The following TMEM131 variants were observed in gnomAD, a reference collection of about 807,000 sequenced individuals.
TMEM131 encodes 2610524E03Rik.
In TMEM131, 66 loss-of-function variants were observed where a neutral mutation model predicts 211.6. The observed-to-expected ratio is 0.31, with a 90% CI of 0.26 to 0.38. TMEM131 has a LOEUF of 0.38. TMEM131 is among the 10% of genes least tolerant of loss of function. The pLI, the probability that TMEM131 is intolerant of heterozygous loss-of-function variation, is 1.00. For missense variants in TMEM131, 2,036 were observed against 2,299.3 expected, an observed-to-expected ratio of 0.89 and a Z score of 2.34; for synonymous variants, 844 against 841.3, an observed-to-expected ratio of 1.00 and a Z score of -0.06.
chr2:97,983,606 T>G (rs1369675328), intron 1 of TMEM131, among the ~76,000 whole-genome samples: 1 of 152,134 alleles, frequency 6.6e-6, no homozygotes, highest in South Asian at 2.1e-4. Flanking sequence ...ATTAAGCAGC[T>G]GACCAATGGT....
At chr2:97,804,865 T>C (rs1489786718) in intron 22 of TMEM131, among the ~76,000 whole-genome samples, 1 of 152,120 alleles carries the variant, frequency 6.6e-6, no homozygotes, top group African/African-American at 2.4e-5. Context: ...AAGAAATATC[T>C]AAAGCACCAC....
chr2:97,882,082 C>T (rs903985550), intron 4 of TMEM131, among the ~76,000 whole-genome samples: 1 of 152,148 alleles, frequency 6.6e-6, no homozygotes, highest in Non-Finnish European at 1.5e-5. Context: ...CAAAAAGAAC[C>T]TTACCTTAAA....
At chr2:97,952,429 A>G (rs1439937463) in intron 1 of TMEM131, among the ~76,000 whole-genome samples, 1 of 152,230 alleles carries the variant, frequency 6.6e-6, no homozygotes, top group Non-Finnish European at 1.5e-5. Context: ...TCTGAAAACT[A>G]AAGACAAAAA....
intron 2 of TMEM131, among the ~76,000 whole-genome samples, chr2:97,922,703 G>A (rs1013063995): frequency 7.2e-5 from 11 of 152,062 alleles, no homozygotes; most frequent in African/African-American, 2.2e-4. Flanking sequence ...AAAATTACAG[G>A]GAAAGGCAAT....
chr2:97,920,151 G>A (rs1676681652), intron 2 of TMEM131, among the ~76,000 whole-genome samples: 1 of 152,212 alleles, frequency 6.6e-6, no homozygotes, highest in African/African-American at 2.4e-5. Context: ...CCGAGATTCT[G>A]CATCACAGTC....
At chr2:97,978,053 C>T (rs992697694) in intron 1 of TMEM131, among the ~76,000 whole-genome samples, 2 of 152,092 alleles carry the variant, frequency 1.3e-5, no homozygotes, top group Non-Finnish European at 2.9e-5. Context: ...CGCCACTGCA[C>T]TCCAGCCTGG....
At chr2:97,889,551 AATATT>A (rs1675294961) in intron 3 of TMEM131, among the ~76,000 whole-genome samples, 2 of 82,420 alleles carry the variant, frequency 2.4e-5, no homozygotes, top group African/African-American at 5.8e-5. Flanking sequence ...ATTCCTATAT[AATATT>A]ATATTCCTAT....
chr2:97,893,057 C>T (rs952633524), intron 3 of TMEM131, among the ~76,000 whole-genome samples: 3 of 152,056 alleles, frequency 2.0e-5, no homozygotes, highest in Admixed American at 6.6e-5. Flanking sequence ...AGCCGCCCAA[C>T]CCCCGACAGG....
At chr2:97,783,754 T>C (rs1345404620) in intron 31 of TMEM131, among the ~76,000 whole-genome samples, 1 of 151,968 alleles carries the variant, frequency 6.6e-6, no homozygotes, top group African/African-American at 2.4e-5. Context: ...AGTCCTAACA[T>C]ATCAATAAGC....
At chr2:97,951,174 T>C (rs1678292686) in intron 1 of TMEM131, among the ~76,000 whole-genome samples, 1 of 152,182 alleles carries the variant, frequency 6.6e-6, no homozygotes, top group Non-Finnish European at 1.5e-5. Flanking sequence ...AAATAAGGAT[T>C]TAAGGAAGTT....
intron 4 of TMEM131, among the ~76,000 whole-genome samples, chr2:97,862,778 T>TA (rs1181289717): frequency 3.9e-5 from 6 of 152,078 alleles, no homozygotes; most frequent in Non-Finnish European, 2.9e-5. Flanking sequence ...TTAATGGCCT[T>TA]AAAGAGGAGG....
At chr2:97,796,727 A>T in intron 27 of TMEM131, 117 bp downstream of exon 27, 1 of 1,032,884 alleles carries the variant, frequency 9.7e-7, no homozygotes, top group Non-Finnish European at 1.4e-6. Context: ...TAAGCTCTTA[A>T]GCATTCATAA....
At chr2:97,863,529 T>C (rs566705093) in intron 4 of TMEM131, among the ~76,000 whole-genome samples, 30 of 152,228 alleles carry the variant, frequency 2.0e-4, no homozygotes, top group African/African-American at 6.7e-4. Context: ...CTAGAATATA[T>C]GAGGAACTCA....
chr2:97,821,240 G>A (rs917307986), intron 11 of TMEM131, among the ~76,000 whole-genome samples: 2 of 152,024 alleles, frequency 1.3e-5, no homozygotes, highest in African/African-American at 4.8e-5. Flanking sequence ...GTCTCTAAAG[G>A]ACTGTAAATG....
chr2:97,776,827 C>G (rs1336606809), intron 31 of TMEM131, among the ~76,000 whole-genome samples: 1 of 152,228 alleles, frequency 6.6e-6, no homozygotes, highest in African/African-American at 2.4e-5. Flanking sequence ...CAGCTTTCTA[C>G]AAACTAGCTG....
intron 5 of TMEM131, among the ~76,000 whole-genome samples, chr2:97,856,781 G>A (rs991239414): frequency 1.3e-5 from 2 of 151,898 alleles, no homozygotes; most frequent in Non-Finnish European, 2.9e-5. Flanking sequence ...TCCCCTCTAC[G>A]TCTCGAGCTT....
chr2:97,831,642 T>C (rs1051201963), intron 11 of TMEM131, among the ~76,000 whole-genome samples: 1 of 150,606 alleles, frequency 6.6e-6, no homozygotes, highest in Non-Finnish European at 1.5e-5. Flanking sequence ...CTGTATAATA[T>C]ACTTTCATGT....
chr2:97,761,612 A>C (rs1678855664), intron 36 of TMEM131: 1 of 162,918 alleles, frequency 6.1e-6, no homozygotes, highest in South Asian at 1.7e-4. Context: ...CACCCAGCAC[A>C]ACGGTCTTGG....
At chr2:97,887,644 G>C (rs1675216119) in intron 4 of TMEM131, 1 of 155,950 alleles carries the variant, frequency 6.4e-6, no homozygotes. Context: ...TTATGGGTTG[G>C]TGATAATACT....
Sources: gnomAD v4.1 joint callset for allele counts (sites outside exome capture counted in the v4.1 genomes callset) on GRCh38, gnomAD v4.1.1 for gene constraint, MANE v1.5 for transcripts, NCBI Gene and HGNC (gene_info 2026-07-23, HGNC 2026-07-21) for gene names.